PPARGC1A: variants seen among roughly 807,000 people sequenced by gnomAD.
PPARGC1A encodes the protein peroxisome proliferator-activated receptor gamma coactivator 1-alpha.
A neutral mutation model predicts 88.7 loss-of-function variants in PPARGC1A; 25 were observed. The observed-to-expected ratio is 0.28, with a 90% confidence interval of 0.21 to 0.39. The LOEUF (loss-of-function observed/expected upper bound fraction) is 0.39, where lower values mean the gene tolerates loss of function less well. Among genes scored for constraint, PPARGC1A ranks in the 10% least tolerant of loss-of-function variants. PPARGC1A has a pLI of 1.00. For missense variants in PPARGC1A, 880 were observed against 968.7 expected (o/e 0.91, Z 1.22); for synonymous variants, 363 against 355.6 (o/e 1.02, Z -0.24).
At chr4:24,434,849 C>T in the PPARGC1A span, among the ~76,000 whole-genome samples, 1 of 152,206 alleles carries the variant, frequency 6.6e-6, no homozygotes, top group African/African-American at 2.4e-5. Flanking sequence ...ACTCATCCAC[C>T]TCGTGGGGAG....
chr4:23,840,473 C>T (rs1019015762), intron 2 of PPARGC1A, among the ~76,000 whole-genome samples: 22 of 152,214 alleles, frequency 1.4e-4, no homozygotes, highest in African/African-American at 4.8e-4. Context: ...GCCAGAGGGC[C>T]ACATGGATTG....
At chr4:24,005,370 C>T in the PPARGC1A span, among the ~76,000 whole-genome samples, 2 of 152,150 alleles carry the variant, frequency 1.3e-5, no homozygotes, top group Non-Finnish European at 2.9e-5. Context: ...GAATGAAAGT[C>T]AGCATGGTAG....
chr4:24,255,070 G>A, the PPARGC1A span, among the ~76,000 whole-genome samples: 1 of 152,290 alleles, frequency 6.6e-6, no homozygotes, highest in East Asian at 1.9e-4. Context: ...CATCATTCTT[G>A]TTCCCATTAA....
intron 2 of PPARGC1A, among the ~76,000 whole-genome samples, chr4:23,843,218 TATATATTTTCACAG>T (rs1727374867): frequency 6.6e-6 from 1 of 152,120 alleles, no homozygotes; most frequent in Non-Finnish European, 1.5e-5. Flanking sequence ...GATTTTCTTC[TATATATTTTCACAG>T]AGGTCTTAAG....
intron 2 of PPARGC1A, among the ~76,000 whole-genome samples, chr4:23,866,768 CT>C (rs1039003340): frequency 3.9e-4 from 57 of 147,980 alleles, no homozygotes; most frequent in Non-Finnish European, 5.4e-4. Flanking sequence ...CATTTCAGAG[CT>C]TTTTTTTTTA....
At chr4:24,471,623 C>G in the PPARGC1A span, among the ~76,000 whole-genome samples, 1 of 152,216 alleles carries the variant, frequency 6.6e-6, no homozygotes, top group Non-Finnish European at 1.5e-5. This position sits in a 1 kb window ranked among gnomAD's most constrained non-coding sequence, Gnocchi z 5.4. Context: ...CTTCCACGCC[C>G]CCCTTCCGGC....
chr4:24,175,088 G>GAT, the PPARGC1A span, among the ~76,000 whole-genome samples: 1 of 152,088 alleles, frequency 6.6e-6, no homozygotes, highest in South Asian at 2.1e-4. Context: ...GAGGCCTCGC[G>GAT]ATATATATCA....
In PPARGC1A at chr4:23,840,325, G is replaced by T. The variant is rs991838657; in HGVS notation, c.235-8574C>A. 2.6e-5 allele frequency among the ~76,000 whole-genome samples: 4 copies of T among 152,136 alleles called. 1 individual carries two copies. In the East Asian group the frequency reaches 7.8e-4, roughly 30 times the overall value. ...GCCCTACACTTGGCCAACTTCATCT[G>T]ACTCTGGCAACCCCTCATTCACCTA... On this transcript the variant is annotated intron_variant, in intron 2 of 12. Coordinates refer to ENST00000264867, the MANE Select transcript of PPARGC1A (RefSeq NM_013261.5).
chr4:24,073,784 G>A, the PPARGC1A span, among the ~76,000 whole-genome samples: 2 of 152,170 alleles, frequency 1.3e-5, no homozygotes, highest in African/African-American at 2.4e-5. Context: ...CCAGGATTTG[G>A]ACCTTTAGTG....
the PPARGC1A span, among the ~76,000 whole-genome samples, chr4:24,097,217 C>A: frequency 5.3e-5 from 8 of 152,248 alleles, no homozygotes; most frequent in Middle Eastern, 6.8e-3. Context: ...AAAGATGGTA[C>A]TTTACCCTGC....
At chr4:24,446,056 A>T in the PPARGC1A span, among the ~76,000 whole-genome samples, 2 of 152,032 alleles carry the variant, frequency 1.3e-5, no homozygotes, top group Non-Finnish European at 2.9e-5. Context: ...TCAGAGCAAG[A>T]CTCTGTCTCA....
the PPARGC1A span, among the ~76,000 whole-genome samples, chr4:24,216,276 T>C: frequency 1.3e-5 from 2 of 151,132 alleles, no homozygotes; most frequent in African/African-American, 4.9e-5. Context: ...GCCTCCCGAG[T>C]AGCTGGGACT....
the PPARGC1A span, among the ~76,000 whole-genome samples, chr4:24,238,014 G>A: frequency 1.3e-5 from 2 of 152,158 alleles, no homozygotes; most frequent in Non-Finnish European, 2.9e-5. Context: ...CGTGGATGAG[G>A]AAATCGACAC....
At chr4:23,808,624 C>T (rs1168378015) in intron 10 of PPARGC1A, among the ~76,000 whole-genome samples, 2 of 152,138 alleles carry the variant, frequency 1.3e-5, no homozygotes, top group Non-Finnish European at 2.9e-5. Context: ...TTCAAGCTTA[C>T]GAGTCTGAGA....
At chr4:24,351,341 G>C in the PPARGC1A span, among the ~76,000 whole-genome samples, 1 of 149,994 alleles carries the variant, frequency 6.7e-6, no homozygotes, top group Admixed American at 6.7e-5. Flanking sequence ...AGGCTGCAGT[G>C]AGCTGTGATC....
At chr4:24,092,945 C>T in the PPARGC1A span, among the ~76,000 whole-genome samples, 1 of 152,198 alleles carries the variant, frequency 6.6e-6, no homozygotes, top group Admixed American at 6.5e-5. Flanking sequence ...TATTATTGCA[C>T]ACACAGCCAA....
At chr4:24,139,519 C>T in the PPARGC1A span, among the ~76,000 whole-genome samples, 1 of 152,062 alleles carries the variant, frequency 6.6e-6, no homozygotes, top group African/African-American at 2.4e-5. Context: ...TTTTTACAGA[C>T]AATACGTGAA....
At chr4:24,215,415 G>T in the PPARGC1A span, among the ~76,000 whole-genome samples, 1 of 152,106 alleles carries the variant, frequency 6.6e-6, no homozygotes, top group South Asian at 2.1e-4. Context: ...ACTGTTAAAA[G>T]AATTACTAAG....
At chr4:23,847,488 CAA>C (rs141974304) in intron 2 of PPARGC1A, among the ~76,000 whole-genome samples, 5,714 of 152,118 alleles carry the variant, frequency 0.038, 116 homozygotes, top group Middle Eastern at 0.051. Flanking sequence ...ACCCGCCAGC[CAA>C]AAGTCTTATT....
Sources: allele counts gnomAD v4.1 joint callset (sites outside exome capture counted in the v4.1 genomes callset), GRCh38; gene constraint gnomAD v4.1.1; non-coding constraint Gnocchi (gnomAD v3.1); transcripts MANE v1.5; gene names NCBI Gene and HGNC (gene_info 2026-07-23, HGNC 2026-07-21).